RAB4A: variants seen among roughly 807,000 people sequenced by gnomAD.
The protein encoded by RAB4A is ras-related protein Rab-4A.
Under a neutral mutation model 34.5 loss-of-function variants are expected in RAB4A, and 20 were observed. The ratio of observed to expected loss-of-function variants is 0.58; its 90% confidence interval spans 0.41 to 0.84. The LOEUF (loss-of-function observed/expected upper bound fraction) is 0.84, where lower values mean the gene tolerates loss of function less well. Among genes scored for constraint, RAB4A ranks in the 40% least tolerant of loss-of-function variants. The pLI is 0.00. For missense variants in RAB4A, 228 were observed against 274.5 expected (o/e 0.83, Z 1.20); for synonymous variants, 102 against 100.0 (o/e 1.02, Z -0.12).
At chr1:229,274,181 T>C (rs1656577734) in intron 1 of RAB4A, among the ~76,000 whole-genome samples, 1 of 150,592 alleles carries the variant, frequency 6.6e-6, no homozygotes, top group Non-Finnish European at 1.5e-5. Flanking sequence ...GCCTCCTGAG[T>C]AGCTGGGACC....
Position 229,285,738 on chromosome 1 carries a change from A to T in RAB4A, c.32-748A>T, listed in dbSNP as rs547734548. Among the ~76,000 whole-genome samples, 5 of 152,324 alleles carry T rather than the reference A, an allele frequency of 3.3e-5. No homozygotes were observed. The South Asian group carries it at 8.3e-4, about 25-fold the overall frequency. ...CTCCTAAGCTCCTAAGCTATGCAGA[A>T]TTACAGTTCTTTGGTAACAGAAAAA... On this transcript the variant is annotated intron_variant, in intron 1 of 7. Transcript: ENST00000366690.
intron 1 of RAB4A, among the ~76,000 whole-genome samples, chr1:229,281,354 G>A (rs1391949939): frequency 5.9e-5 from 9 of 151,996 alleles, no homozygotes; most frequent in Non-Finnish European, 1.3e-4. Flanking sequence ...TTATTGGTGG[G>A]TTTACCCTTA....
intron 6 of RAB4A, among the ~76,000 whole-genome samples, chr1:229,299,576 T>G (rs1335775420): frequency 2.6e-5 from 4 of 152,248 alleles, no homozygotes; most frequent in Non-Finnish European, 5.9e-5. Context: ...TGCCTCATTT[T>G]TGTATTTGCT....
chr1:229,282,290 A>G (rs1034518173), intron 1 of RAB4A, among the ~76,000 whole-genome samples: 5 of 152,188 alleles, frequency 3.3e-5, no homozygotes, highest in Non-Finnish European at 5.9e-5. Flanking sequence ...GCTTCAGATG[A>G]GAAATCTGCT....
chr1:229,281,479 A>G (rs1323929248), intron 1 of RAB4A, among the ~76,000 whole-genome samples: 1 of 152,042 alleles, frequency 6.6e-6, no homozygotes, highest in African/African-American at 2.4e-5. Context: ...TAATGTTTGT[A>G]TGATACATCC....
At chr1:229,292,072 TG>T (rs1183133048) in intron 3 of RAB4A, among the ~76,000 whole-genome samples, 1 of 59,882 alleles carries the variant, frequency 1.7e-5, no homozygotes, top group African/African-American at 6.7e-5. Flanking sequence ...TGTTGTGGGG[TG>T]GGGGGAGGGG....
chr1:229,271,775 G>T (rs1205470680), intron 1 of RAB4A, among the ~76,000 whole-genome samples: 1 of 152,238 alleles, frequency 6.6e-6, no homozygotes, highest in African/African-American at 2.4e-5. Flanking sequence ...GGCGACGCCT[G>T]TGTTCCTCAA....
intron 4 of RAB4A, 67 bp downstream of exon 4, chr1:229,295,977 G>C: frequency 6.5e-7 from 1 of 1,540,600 alleles, no homozygotes; most frequent in Admixed American, 1.7e-5. Flanking sequence ...TGGTCTTGGC[G>C]AGGTGCCCTC....
At chr1:229,278,313 A>T (rs1443407096) in intron 1 of RAB4A, among the ~76,000 whole-genome samples, 1 of 152,184 alleles carries the variant, frequency 6.6e-6, no homozygotes, top group Non-Finnish European at 1.5e-5. Context: ...CCTGCTGTGC[A>T]GACAGAGCTC....
chr1:229,283,191 T>C lies in RAB4A; in HGVS notation c.32-3295T>C, dbSNP rs576616470. Among the ~76,000 whole-genome samples, 3 of 152,340 alleles carry C rather than the reference T, an allele frequency of 2.0e-5. No individual in the cohort carries two copies. In the East Asian group the frequency reaches 5.8e-4, roughly 29 times the overall value. ...TGAGAGGAATTCATCTTGTTACTGC[T>C]GCTGGGTAAGGATTAGAATGTTCTC... On this transcript the variant is annotated intron_variant, in intron 1 of 7. Coordinates refer to ENST00000366690, the MANE Select transcript of RAB4A (RefSeq NM_004578.4).
At chr1:229,292,223 TAAA>T (rs1370296757) in intron 3 of RAB4A, among the ~76,000 whole-genome samples, 4 of 147,548 alleles carry the variant, frequency 2.7e-5, no homozygotes, top group Non-Finnish European at 4.5e-5. Context: ...ATAATAATAA[TAAA>T]TAAATAAAAG....
intron 1 of RAB4A, among the ~76,000 whole-genome samples, chr1:229,275,640 A>C (rs1166025558): frequency 8.2e-6 from 1 of 122,212 alleles, no homozygotes; most frequent in Non-Finnish European, 1.7e-5. Context: ...TTTTTCTTTG[A>C]GATAGAGTCT....
intron 1 of RAB4A, among the ~76,000 whole-genome samples, chr1:229,271,584 G>A (rs1656480050): frequency 6.6e-6 from 1 of 152,090 alleles, no homozygotes; most frequent in Non-Finnish European, 1.5e-5. Flanking sequence ...GCGCGGGGGC[G>A]CTGTGCACAG....
chr1:229,281,092 T>C (rs1400298774), intron 1 of RAB4A, among the ~76,000 whole-genome samples: 2 of 152,196 alleles, frequency 1.3e-5, no homozygotes, highest in African/African-American at 4.8e-5. Context: ...TAAACATTCA[T>C]ATACAGGGTT....
chr1:229,296,796 C>T (rs1044631280), intron 4 of RAB4A, among the ~76,000 whole-genome samples: 10 of 152,236 alleles, frequency 6.6e-5, no homozygotes, highest in Non-Finnish European at 1.2e-4. Flanking sequence ...CCTTCCTGCA[C>T]TTGCCCAGGC....
Position 229,304,555 on chromosome 1 carries a change from T to G in RAB4A, c.*762T>G, listed in dbSNP as rs1307173898. Reference sequence around the variant, plus strand: ...TTACCCAAACCTACTGGGCTACTAATACTTCTCTCAGCAGTTGATCAAATA... The same window carrying G: ...TTACCCAAACCTACTGGGCTACTAAGACTTCTCTCAGCAGTTGATCAAATA... On this transcript the variant is annotated 3_prime_UTR_variant, in exon 8 of 8. Transcript: ENST00000366690. 1 of 152,244 alleles carries G rather than the reference T, an allele frequency of 6.6e-6. No individual in the cohort carries two copies. Among genetic ancestry groups the G allele is most frequent in the Admixed American group, 6.5e-5 (1 of 15,282 alleles). 9.4% of individuals were successfully genotyped at this position (152,244 alleles called of 1,614,324 possible).
intron 3 of RAB4A, among the ~76,000 whole-genome samples, chr1:229,292,123 C>T (rs914896233): frequency 4.7e-5 from 7 of 150,382 alleles, no homozygotes; most frequent in Non-Finnish European, 8.9e-5. Flanking sequence ...TGCTAGATGA[C>T]GAGTTAGCGG....
intron 2 of RAB4A, 66 bp from the exon 3 acceptor site, chr1:229,288,648 GGTTTTAGTGTCACTT>G (rs1489078847): frequency 2.8e-6 from 2 of 713,244 alleles, no homozygotes; most frequent in Non-Finnish European, 4.8e-6. Context: ...TGTAACTCTT[GGTTTTAGTGTCACTT>G]GTTTAAATCT....
At chr1:229,286,434 A>G in intron 1 of RAB4A, 52 bp from the exon 2 acceptor site, 1 of 1,119,994 alleles carries the variant, frequency 8.9e-7, no homozygotes, top group Admixed American at 2.6e-5. Context: ...TCTAAGAAGA[A>G]ATTCACAGCA....
Sources: gnomAD v4.1 joint callset for allele counts (sites outside exome capture counted in the v4.1 genomes callset) on GRCh38, gnomAD v4.1.1 for gene constraint, MANE v1.5 for transcripts, NCBI Gene and HGNC (gene_info 2026-07-23, HGNC 2026-07-21) for gene names.